Variants in ANXA11 observed in about 807,000 individuals in gnomAD.
ANXA11 encodes the protein 56 kDa autoantigen.
In ANXA11, 57 loss-of-function variants were observed where a neutral mutation model predicts 64.7. The ratio of observed to expected loss-of-function variants is 0.88; its 90% CI spans 0.71 to 1.10. The LOEUF is 1.10. Ranked by LOEUF, ANXA11 falls within the 50% of genes least tolerant of loss-of-function variation. ANXA11 has a pLI of 0.00. For synonymous variants in ANXA11, 260 were observed against 265.2 expected (o/e 0.98, Z 0.19); for missense variants, 675 against 670.7 (o/e 1.01, Z -0.07).
intron 1 of ANXA11, among the ~76,000 whole-genome samples, chr10:80,198,104 A>C (rs1355451792): frequency 2.0e-5 from 3 of 152,202 alleles, no homozygotes; most frequent in Non-Finnish European, 4.4e-5. Flanking sequence ...CAGCTTGTGC[A>C]CCAGCCCACA....
chr10:80,153,208 C>T lies in ANXA11; in HGVS notation c.*2645G>A, dbSNP rs1845186737. ...TGGGTGACATGGGCTTAGTGTAATA[C>T]AAGACGGAGCCTATAGCAAATAAGG... On this transcript the variant is annotated 3_prime_UTR_variant, in exon 16 of 16. Coordinates refer to ENST00000422982, the MANE Select transcript of ANXA11 (RefSeq NM_145868.2). The T allele has an allele frequency of 6.6e-6, 1 of 152,124 alleles. No homozygotes were observed. The highest frequency in any genetic ancestry group is 2.4e-5 in the African/African-American group (1 of 41,428). 9.4% of individuals were successfully genotyped at this position (152,124 alleles called of 1,614,324 possible). A position where few individuals can be genotyped will look rare whatever the true frequency, so the allele number is the denominator to read the frequency against.
At chr10:80,196,165 A>C (rs1308074894) in intron 1 of ANXA11, among the ~76,000 whole-genome samples, 3 of 152,200 alleles carry the variant, frequency 2.0e-5, no homozygotes, top group African/African-American at 7.2e-5. Context: ...TAACCTCCAC[A>C]ATGCTCCTAT....
chr10:80,156,973 A>C, intron 15 of ANXA11: 1 of 985,380 alleles, frequency 1.0e-6, no homozygotes, highest in Non-Finnish European at 1.2e-6. Flanking sequence ...TTTGAGCGTT[A>C]GACCACACAG....
chr10:80,171,732 C>A (rs1247057667), intron 3 of ANXA11: 2 of 985,422 alleles, frequency 2.0e-6, no homozygotes, highest in Non-Finnish European at 2.4e-6. Context: ...GGGCTCCAGA[C>A]CCTCCAGGAA....
chr10:80,163,634 A>G, intron 9 of ANXA11, 21 bp from the exon 10 acceptor site: 1 of 1,548,682 alleles, frequency 6.5e-7, no homozygotes, highest in Non-Finnish European at 8.7e-7. Context: ...GAAGCAAGGA[A>G]GGTCCATCCT....
chr10:80,159,006 G>A (rs1845396946), intron 13 of ANXA11, 94 bp downstream of exon 13: 2 of 906,022 alleles, frequency 2.2e-6, no homozygotes, highest in Admixed American at 1.7e-5. Flanking sequence ...TCCCTTCACG[G>A]TGTCACCCAT....
chr10:80,159,556 T>C (rs765643802), intron 12 of ANXA11, among the ~76,000 whole-genome samples: 4 of 152,168 alleles, frequency 2.6e-5, no homozygotes, highest in Non-Finnish European at 4.4e-5. Context: ...AGCCACCCAG[T>C]CTGTGGTATT....
chr10:80,193,874 A>C (rs1564625864), intron 1 of ANXA11, among the ~76,000 whole-genome samples: 1 of 151,476 alleles, frequency 6.6e-6, no homozygotes. Context: ...TTTTTGAAGA[A>C]GTCTCTTGCT....
intron 1 of ANXA11, among the ~76,000 whole-genome samples, chr10:80,180,553 A>G (rs1846317677): frequency 6.6e-6 from 1 of 152,018 alleles, no homozygotes; most frequent in African/African-American, 2.4e-5. Flanking sequence ...ACAGCAAACC[A>G]AGCAGACCGG....
At chr10:80,193,944 A>G (rs1230984254) in intron 1 of ANXA11, among the ~76,000 whole-genome samples, 2 of 150,484 alleles carry the variant, frequency 1.3e-5, no homozygotes, top group Non-Finnish European at 3.0e-5. Flanking sequence ...TCAGCCTCCC[A>G]AGTAGCTGGG....
intron 4 of ANXA11, among the ~76,000 whole-genome samples, chr10:80,170,435 A>G (rs938197602): frequency 7.2e-5 from 11 of 152,346 alleles, no homozygotes; most frequent in African/African-American, 2.6e-4. Flanking sequence ...AGAGCCCTCC[A>G]TATGTACACA....
At chr10:80,191,936 G>C (rs1846794584) in intron 1 of ANXA11, among the ~76,000 whole-genome samples, 2 of 152,134 alleles carry the variant, frequency 1.3e-5, no homozygotes, top group South Asian at 4.1e-4. Flanking sequence ...AGAGGGTTGT[G>C]GCATGCCAAG....
At chr10:80,170,627 G>C (rs1487750525) in intron 4 of ANXA11, among the ~76,000 whole-genome samples, 173 bp downstream of exon 4, 1 of 152,222 alleles carries the variant, frequency 6.6e-6, no homozygotes, top group Non-Finnish European at 1.5e-5. Context: ...GAGGGGCAGA[G>C]AGCAGGTGGC....
At chr10:80,197,649 G>A (rs1407611542) in intron 1 of ANXA11, among the ~76,000 whole-genome samples, 1 of 152,158 alleles carries the variant, frequency 6.6e-6, no homozygotes, top group African/African-American at 2.4e-5. Context: ...CTGGCCGGGC[G>A]CGGTGGCTCA....
intron 1 of ANXA11, among the ~76,000 whole-genome samples, chr10:80,205,080 G>C (rs1320443285): frequency 6.6e-6 from 1 of 152,048 alleles, no homozygotes; most frequent in African/African-American, 2.4e-5. Flanking sequence ...GAGCCCGGGG[G>C]GACGGCGAGT....
chr10:80,163,003 C>A (rs922082191), intron 11 of ANXA11, among the ~76,000 whole-genome samples: 8 of 152,178 alleles, frequency 5.3e-5, no homozygotes, highest in Admixed American at 2.0e-4. Context: ...ACTTAATAAG[C>A]AAGTGCAAAT....
At position 80,166,209 on chromosome 10, in the gene ANXA11, T is replaced by C. The variant is rs777791581; in HGVS notation, c.745-12A>G. On this transcript the variant is annotated splice_polypyrimidine_tract_variant and intron_variant, in intron 7 of 15. Transcript: ENST00000422982. ...TCTTTGATCAAATCCTGATTGGATA[T>C]TCAAACAAACAACCAACAAAAAAAA... The C allele has an allele frequency of 4.0e-6, 6 of 1,490,030 alleles. No individual in the cohort carries two copies. In the South Asian group the frequency reaches 5.9e-5, roughly 15 times the overall value. The allele number at this position is 1,490,030 out of a possible 1,614,324, so 92.3% of individuals were successfully genotyped here.
intron 1 of ANXA11, among the ~76,000 whole-genome samples, chr10:80,176,551 C>T (rs756841325): frequency 1.3e-5 from 2 of 152,150 alleles, no homozygotes; most frequent in African/African-American, 2.4e-5. Context: ...TATGTATTGG[C>T]CATTAAACAA....
At position 80,172,854 on chromosome 10, in the gene ANXA11, T is replaced by C; in HGVS notation, c.8A>G (p.Tyr3Cys). The change falls in exon 3 of 16, where the codon TAC becomes TGC. Residue 3 changes from tyrosine (Y) to cysteine (C), a missense_variant. Transcript: ENST00000422982. MS[Y>C]PGYPPPPGGY... ...ACCTGGGGGCGGGGGATAGCCAGGG[T>C]AGCTCATGGTTAGATCTGGAAGAGA... The C allele has an allele frequency of 6.2e-7, 1 of 1,613,960 alleles. No individual in the cohort carries two copies. Among genetic ancestry groups the C allele is most frequent in the Non-Finnish European group, 8.5e-7 (1 of 1,179,924 alleles).
Sources: gnomAD v4.1 joint callset for allele counts (sites outside exome capture counted in the v4.1 genomes callset) on GRCh38, gnomAD v4.1.1 for gene constraint, MANE v1.5 for transcripts, NCBI Gene and HGNC (gene_info 2026-07-23, HGNC 2026-07-21) for gene names.